Variants in ZNF529 observed in about 807,000 individuals in gnomAD.
The protein encoded by ZNF529 is zinc finger protein 529.
Under a neutral mutation model 10.1 loss-of-function variants are expected in ZNF529, and 11 were observed. The ratio of observed to expected loss-of-function variants is 1.09; its 90% CI spans 0.69 to 1.81. The LOEUF (loss-of-function observed/expected upper bound fraction) is 1.81, where lower values mean the gene tolerates loss of function less well. Among genes scored for constraint, ZNF529 ranks in the 40% most tolerant of loss-of-function variants. The pLI, the probability that ZNF529 is intolerant of heterozygous loss-of-function variation, is 0.00. For synonymous variants in ZNF529, 204 were observed against 215.7 expected, an observed-to-expected ratio of 0.95 and a Z score of 0.47; for missense variants, 624 against 666.8, an observed-to-expected ratio of 0.94 and a Z score of 0.71.
upstream of ZNF529, chr19:36,574,817 A>G (rs1397550463): frequency 4.2e-6 from 2 of 470,946 alleles, no homozygotes; most frequent in Non-Finnish European, 8.8e-6. Flanking sequence ...TGGCATATTT[A>G]CAGGTTTTAT....
intron 4 of ZNF529, among the ~76,000 whole-genome samples, chr19:36,549,313 A>G (rs2145790145): frequency 6.6e-6 from 1 of 152,264 alleles, no homozygotes; most frequent in East Asian, 1.9e-4. Flanking sequence ...TAAATTCCAC[A>G]AGGACAAATG....
chr19:36,573,139 C>T lies in ZNF529; in HGVS notation c.-47+1G>A, dbSNP rs1276540221. The T allele has an allele frequency of 9.3e-5, 28 of 300,070 alleles. 1 individual carries two copies. The highest frequency in any genetic ancestry group is 7.3e-4 in the South Asian group (26 of 35,706). The allele number at this position is 300,070 out of a possible 1,614,324, so 18.6% of individuals were successfully genotyped here. On this transcript the variant is annotated splice_donor_variant, in intron 1 of 4. Transcript: ENST00000591340. LOFTEE classifies it low-confidence loss of function (5UTR_SPLICE). ...ATGACGTCGTAAACAATAGCACTAA[C>T]CACCATCGTCCGCAGCTCCCGCGTA...
Position 36,546,061 on chromosome 19 carries a change from G to GTGTATATATA in ZNF529, c.*804_*805insTATATATACA, listed in dbSNP as rs1491095167. On this transcript the variant is annotated 3_prime_UTR_variant, in exon 5 of 5. Coordinates refer to ENST00000591340, the MANE Select transcript of ZNF529 (RefSeq NM_020951.5). ...ATACATATATTGTGTGTGTGTGTGT[G>GTGTATATATA]TATATATATATATATATATAGTGTG... The GTGTATATATA allele has an allele frequency of 7.7e-6, 1 of 130,114 alleles. No homozygotes were observed. The highest frequency in any genetic ancestry group is 3.0e-5 in the African/African-American group (1 of 33,780). The allele number at this position is 130,114 out of a possible 1,614,324, so 8.1% of individuals were successfully genotyped here.
intron 2 of ZNF529, among the ~76,000 whole-genome samples, chr19:36,560,606 C>T (rs896321266): frequency 2.0e-5 from 3 of 151,614 alleles, no homozygotes; most frequent in African/African-American, 7.3e-5. Context: ...AAAACATAGA[C>T]TTATATAAGG....
chr19:36,562,907 A>G (rs1207978472), intron 2 of ZNF529, among the ~76,000 whole-genome samples: 2 of 151,706 alleles, frequency 1.3e-5, no homozygotes, highest in Non-Finnish European at 2.9e-5. Context: ...ATGGGATTAC[A>G]GCCTTCATAA....
At chr19:36,558,570 C>T (rs953577255) in intron 2 of ZNF529, among the ~76,000 whole-genome samples, 2 of 152,090 alleles carry the variant, frequency 1.3e-5, no homozygotes, top group Non-Finnish European at 2.9e-5. Context: ...AACCCAGAAT[C>T]CTAAATCCAT....
At chr19:36,574,358 CAG>C (rs2036260082), upstream of ZNF529, among the ~76,000 whole-genome samples, 1 of 152,196 alleles carries the variant, frequency 6.6e-6, no homozygotes, top group South Asian at 2.1e-4. Context: ...GCACGCTTCA[CAG>C]AGAATAGATT....
At chr19:36,563,064 G>A (rs1266239991) in intron 2 of ZNF529, among the ~76,000 whole-genome samples, 1 of 152,116 alleles carries the variant, frequency 6.6e-6, no homozygotes, top group African/African-American at 2.4e-5. Context: ...CTACAGAACT[G>A]TGATACATTT....
chr19:36,567,999 G>A (rs1266708418), intron 2 of ZNF529, among the ~76,000 whole-genome samples: 1 of 152,082 alleles, frequency 6.6e-6, no homozygotes, highest in South Asian at 2.1e-4. Flanking sequence ...TTAAAAGCTG[G>A]CAAAAGACTT....
rs1255944664 is a variant in ZNF529 at position 36,544,593 on chromosome 19, G to A, written c.*2273C>T. On this transcript the variant is annotated 3_prime_UTR_variant, in exon 5 of 5. Coordinates refer to ENST00000591340, the MANE Select transcript of ZNF529 (RefSeq NM_020951.5). Reference sequence around the variant, plus strand: ...GATCCAAGAGTAAATTAGCTGTGTTGTTACATAAATAGAATTTAGTTAGAA... The same window carrying A: ...GATCCAAGAGTAAATTAGCTGTGTTATTACATAAATAGAATTTAGTTAGAA... 1 of 152,118 alleles carries A rather than the reference G, an allele frequency of 6.6e-6. No individual in the cohort carries two copies. Among genetic ancestry groups the A allele is most frequent in the Non-Finnish European group, 1.5e-5 (1 of 68,018 alleles). The allele number at this position is 152,118 out of a possible 1,614,324, so 9.4% of individuals were successfully genotyped here. A position where few individuals can be genotyped will look rare whatever the true frequency, so the allele number is the denominator to read the frequency against.
chr19:36,554,177 TAAG>T (rs1287765603), intron 4 of ZNF529, among the ~76,000 whole-genome samples: 1 of 152,194 alleles, frequency 6.6e-6, no homozygotes, highest in East Asian at 1.9e-4. Context: ...ATGAAGGGCC[TAAG>T]AAGGTAAGAA....
chr19:36,583,561 C>CA (rs1450954610), intron 2 of ZNF529, among the ~76,000 whole-genome samples: 1 of 150,148 alleles, frequency 6.7e-6, no homozygotes, highest in Non-Finnish European at 1.5e-5. Context: ...ACAAACATTA[C>CA]AAACAACGAG....
intron 2 of ZNF529, among the ~76,000 whole-genome samples, chr19:36,583,331 T>G (rs2145249178): frequency 6.6e-6 from 1 of 152,278 alleles, no homozygotes; most frequent in South Asian, 2.1e-4. Context: ...TGCTGAGATT[T>G]CAGGCATGTG....
At chr19:36,574,607 C>T (rs2036267996), upstream of ZNF529, among the ~76,000 whole-genome samples, 1 of 152,128 alleles carries the variant, frequency 6.6e-6, no homozygotes, top group Non-Finnish European at 1.5e-5. Flanking sequence ...GGTGTCCTTT[C>T]CAGTCAGTTT....
Position 36,554,765 on chromosome 19 carries a change from T to C in ZNF529, c.140A>G (p.Asn47Ser), listed in dbSNP as rs1418771566. 11 of 1,576,248 alleles carry C rather than the reference T, an allele frequency of 7.0e-6. No individual in the cohort carries two copies. Among genetic ancestry groups the C allele is most frequent in the South Asian group, 2.3e-5 (2 of 85,928 alleles). The change falls in exon 4 of 5, where the codon AAC becomes AGC. Residue 47 changes from asparagine (N) to serine (S), a missense_variant. Coordinates refer to ENST00000591340, the MANE Select transcript of ZNF529 (RefSeq NM_020951.5). ...ATATTCCCATTCCTCCTGAGAGAAG[T>C]TGATGACCACATCCCTGAGTGTCAC... The part of the protein sequence containing the change: ...ELVTLRDVVI[N>S]FSQEEWEYLD...
Position 36,566,510 on chromosome 19 carries a change from A to G in ZNF529, c.14+5823T>C, listed in dbSNP as rs1246252398. On this transcript the variant is annotated intron_variant, in intron 2 of 4. Coordinates refer to ENST00000591340, the MANE Select transcript of ZNF529 (RefSeq NM_020951.5). The stretch of plus-strand genomic sequence containing the variant: ...CAAGACCAGCTTGGCCAACATGGTG[A>G]AACCTTGTCTCTACCAAAAATACAA... 7.2e-5 allele frequency among the ~76,000 whole-genome samples: 11 copies of G among 151,938 alleles called. No individual in the cohort carries two copies. The East Asian group carries it at 1.6e-3, about 21-fold the overall frequency.
At chr19:36,574,104 G>A (rs2036251257), upstream of ZNF529, among the ~76,000 whole-genome samples, 2 of 152,190 alleles carry the variant, frequency 1.3e-5, no homozygotes, top group Non-Finnish European at 2.9e-5. Flanking sequence ...ATGGCCGGTG[G>A]CCCAGCCCTC....
upstream of ZNF529, among the ~76,000 whole-genome samples, chr19:36,574,191 C>T (rs994931953): frequency 6.6e-6 from 1 of 152,082 alleles, no homozygotes; most frequent in Non-Finnish European, 1.5e-5. Context: ...CATGAGACAC[C>T]AATCAAATAC....
rs913796690 is a variant in ZNF529 at position 36,552,715 on chromosome 19, TG to T, written c.235+1954del. Among the ~76,000 whole-genome samples the T allele has an allele frequency of 4.6e-5, 7 of 152,294 alleles. No homozygotes were observed. The South Asian group carries it at 6.2e-4, about 14-fold the overall frequency. ...TGCTTACAACAAAGAAATGTAACAA[TG>T]TTTTTTTTATTATAGCCAATTTTTA... On this transcript the variant is annotated intron_variant, in intron 4 of 4. Coordinates refer to ENST00000591340, the MANE Select transcript of ZNF529 (RefSeq NM_020951.5).
Sources: gnomAD v4.1 joint callset for allele counts (sites outside exome capture counted in the v4.1 genomes callset) on GRCh38, gnomAD v4.1.1 for gene constraint, MANE v1.5 for transcripts, NCBI Gene and HGNC (gene_info 2026-07-23, HGNC 2026-07-21) for gene names.